DAB1: variants seen among roughly 807,000 people sequenced by gnomAD.
The protein encoded by DAB1 is disabled homolog 1.
In DAB1, 15 loss-of-function variants were observed where a neutral mutation model predicts 64.6. The ratio of observed to expected loss-of-function variants is 0.23; its 90% CI spans 0.16 to 0.36. DAB1 has a LOEUF of 0.36. Ranked by LOEUF, DAB1 falls within the 10% of genes least tolerant of loss-of-function variation. The probability of loss-of-function intolerance (pLI) is 1.00; values close to 1 mark genes in which losing one functional copy is unlikely to be tolerated. For missense variants in DAB1, 596 were observed against 706.7 expected (o/e 0.84, Z 1.78); for synonymous variants, 235 against 251.9 (o/e 0.93, Z 0.64).
chr1:57,116,666 G>C (rs1361077336), intron 4 of DAB1, among the ~76,000 whole-genome samples: 2 of 151,980 alleles, frequency 1.3e-5, no homozygotes, highest in African/African-American at 2.4e-5. Flanking sequence ...GGAAGCCCAA[G>C]GACAAAATGT....
chr1:57,885,518 A>G (rs949727115), upstream of DAB1, among the ~76,000 whole-genome samples: 1 of 152,204 alleles, frequency 6.6e-6, no homozygotes, highest in Non-Finnish European at 1.5e-5. Context: ...CAGAGAGACC[A>G]GTTCTTTCTA....
intron 1 of DAB1, among the ~76,000 whole-genome samples, chr1:57,837,119 T>C (rs1652841790): frequency 6.6e-6 from 1 of 152,186 alleles, no homozygotes; most frequent in Non-Finnish European, 1.5e-5. Flanking sequence ...GCTACAACAG[T>C]AGTCTCATAA....
chr1:57,303,966 T>A (rs193170395), intron 1 of DAB1, among the ~76,000 whole-genome samples: 46 of 152,312 alleles, frequency 3.0e-4, no homozygotes, highest in Non-Finnish European at 5.3e-4. Flanking sequence ...ACAAACAGCC[T>A]GAAGCTCCTA....
intron 5 of DAB1, among the ~76,000 whole-genome samples, chr1:58,051,389 T>C (rs1459356610): frequency 2.6e-5 from 4 of 152,166 alleles, no homozygotes; most frequent in South Asian, 2.1e-4. Context: ...CATCCTTTTT[T>C]ATGGCTGCAT....
intron 2 of DAB1, among the ~76,000 whole-genome samples, chr1:57,171,721 A>T (rs1661786477): frequency 6.6e-6 from 1 of 152,184 alleles, no homozygotes; most frequent in Non-Finnish European, 1.5e-5. Flanking sequence ...GAGGGTCAGA[A>T]ATAGGATGTG....
At chr1:58,517,182 G>A (rs1170583441) in intron 2 of DAB1, among the ~76,000 whole-genome samples, 2 of 152,190 alleles carry the variant, frequency 1.3e-5, no homozygotes, top group African/African-American at 2.4e-5. Flanking sequence ...TCATGTGGAG[G>A]AGACAAGAGC....
At chr1:57,918,870 C>G (rs1372638099) in intron 5 of DAB1, among the ~76,000 whole-genome samples, 1 of 152,108 alleles carries the variant, frequency 6.6e-6, no homozygotes. Context: ...GGATCTGCCC[C>G]TGTGACACAA....
At chr1:57,476,128 A>T (rs1489123098) in intron 7 of DAB1, among the ~76,000 whole-genome samples, 1 of 151,282 alleles carries the variant, frequency 6.6e-6, no homozygotes, top group African/African-American at 2.4e-5. Flanking sequence ...CAGAAGGCTG[A>T]GGCAGGAGAA....
At chr1:57,471,883 A>G (rs1450510994) in intron 7 of DAB1, among the ~76,000 whole-genome samples, 1 of 152,220 alleles carries the variant, frequency 6.6e-6, no homozygotes, top group African/African-American at 2.4e-5. Flanking sequence ...GATGAGTTTA[A>G]TGTAAATGTG....
chr1:57,518,786 T>A (rs1314419920), intron 7 of DAB1, among the ~76,000 whole-genome samples: 2 of 152,168 alleles, frequency 1.3e-5, no homozygotes, highest in Non-Finnish European at 2.9e-5. Context: ...CTCCTTCTAA[T>A]CCCATTTTCA....
At chr1:58,533,415 T>C (rs1183729184) in intron 1 of DAB1, among the ~76,000 whole-genome samples, 3 of 152,188 alleles carry the variant, frequency 2.0e-5, no homozygotes, top group African/African-American at 4.8e-5. Context: ...TCATTGGGTA[T>C]TAAAATTATG....
chr1:58,498,020 G>T (rs1260329705), intron 3 of DAB1, among the ~76,000 whole-genome samples: 4 of 151,952 alleles, frequency 2.6e-5, no homozygotes, highest in African/African-American at 9.7e-5. Context: ...ATGAAGCATA[G>T]AGAGAAAATT....
intron 7 of DAB1, among the ~76,000 whole-genome samples, chr1:57,615,912 A>G (rs1645786268): frequency 6.6e-6 from 1 of 152,200 alleles, no homozygotes; most frequent in African/African-American, 2.4e-5. Flanking sequence ...TACTATCGTC[A>G]TAGCTGAGTG....
chr1:57,864,097 T>C (rs901859146), intron 1 of DAB1, among the ~76,000 whole-genome samples: 1 of 151,452 alleles, frequency 6.6e-6, no homozygotes, highest in Non-Finnish European at 1.5e-5. Flanking sequence ...GAGTAAGGAG[T>C]GGGTGGCAAG....
At chr1:57,415,836 C>A (rs1463658455) in intron 1 of DAB1, among the ~76,000 whole-genome samples, 1 of 152,178 alleles carries the variant, frequency 6.6e-6, no homozygotes, top group Non-Finnish European at 1.5e-5. Flanking sequence ...AGCATCTCTT[C>A]CTTACCCTCT....
In DAB1 at chr1:57,045,763, T is replaced by C. The variant is rs543685957; in HGVS notation, c.723+17121A>G. On this transcript the variant is annotated intron_variant, in intron 9 of 14. Coordinates refer to ENST00000371236, the MANE Select transcript of DAB1 (RefSeq NM_001365792.1). ...AACCCTGAGTATTGGGCTGACAGCA[T>C]GTAATGGTGAAAAAAAGGATAATTC... 2.0e-5 allele frequency among the ~76,000 whole-genome samples: 3 copies of C among 152,098 alleles called. No homozygotes were observed. In the South Asian group the frequency reaches 6.2e-4, roughly 32 times the overall value.
At chr1:58,218,142 C>T (rs914913845) in intron 4 of DAB1, among the ~76,000 whole-genome samples, 1 of 151,922 alleles carries the variant, frequency 6.6e-6, no homozygotes, top group Non-Finnish European at 1.5e-5. Context: ...GTCTCCAGTC[C>T]AGTAGGGGGA....
chr1:58,387,722 C>CTTTTTT (rs35563837), intron 3 of DAB1, among the ~76,000 whole-genome samples: 18 of 65,518 alleles, frequency 2.7e-4, no homozygotes, highest in East Asian at 4.8e-4. Flanking sequence ...CTTTTCTTTT[C>CTTTTTT]TTTTTTTTTT....
chr1:57,158,386 T>A (rs143027048), intron 2 of DAB1, among the ~76,000 whole-genome samples: 1 of 152,164 alleles, frequency 6.6e-6, no homozygotes, highest in Non-Finnish European at 1.5e-5. Flanking sequence ...AATAGGGAGA[T>A]CACCTTGTAA....
Sources: gnomAD v4.1 joint callset for allele counts (sites outside exome capture counted in the v4.1 genomes callset) on GRCh38, gnomAD v4.1.1 for gene constraint, MANE v1.5 for transcripts, NCBI Gene and HGNC (gene_info 2026-07-23, HGNC 2026-07-21) for gene names.